SRR: variants seen among roughly 807,000 people sequenced by gnomAD.
The protein encoded by SRR is serine racemase.
A neutral mutation model predicts 32.7 loss-of-function variants in SRR; 19 were observed. The observed-to-expected ratio is 0.58, with a 90% CI of 0.40 to 0.85. The LOEUF (loss-of-function observed/expected upper bound fraction) is 0.85, where lower values mean the gene tolerates loss of function less well. Among genes scored for constraint, SRR ranks in the 40% least tolerant of loss-of-function variants. The pLI is 0.00. For missense variants in SRR, 373 were observed against 404.7 expected, an observed-to-expected ratio of 0.92 and a Z score of 0.67; for synonymous variants, 142 against 140.9, an observed-to-expected ratio of 1.01 and a Z score of -0.06.
intron 1 of SRR, among the ~76,000 whole-genome samples, chr17:2,305,905 A>C (rs1440068245): frequency 2.6e-5 from 4 of 151,464 alleles, no homozygotes; most frequent in Admixed American, 2.6e-4. Context: ...CACCATGTTG[A>C]CCAGTCTGGT....
At chr17:2,318,964 C>A (rs761487949) in intron 4 of SRR, 35 bp downstream of exon 4, 170 of 1,444,634 alleles carry the variant, frequency 1.2e-4, no homozygotes, top group Non-Finnish European at 1.6e-4. Context: ...ACCTTAACAG[C>A]TTTCATTTGA....
chr17:2,306,749 T>A (rs554224339), intron 1 of SRR: 2 of 612,264 alleles, frequency 3.3e-6, no homozygotes, highest in African/African-American at 3.7e-5. Context: ...TTTCCACCCA[T>A]GGACACCGCC....
At chr17:2,321,257 G>A (rs2075525715) in intron 4 of SRR, 49 bp from the exon 5 acceptor site, 2 of 1,600,188 alleles carry the variant, frequency 1.2e-6, no homozygotes, top group Admixed American at 3.5e-5. Context: ...GAACTTGTTG[G>A]GGACTCTATT....
intron 4 of SRR, among the ~76,000 whole-genome samples, chr17:2,320,012 G>A (rs952767088): frequency 6.6e-6 from 1 of 150,480 alleles, no homozygotes; most frequent in Non-Finnish European, 1.5e-5. Flanking sequence ...TAGAGACGGG[G>A]TTTCACTGTG....
intron 1 of SRR, among the ~76,000 whole-genome samples, chr17:2,305,506 T>A (rs2075381789): frequency 2.0e-5 from 3 of 152,012 alleles, no homozygotes. Context: ...AATAATTAAA[T>A]ACGAGTTCCA....
chr17:2,305,005 G>GAAT (rs2075374523), intron 1 of SRR, among the ~76,000 whole-genome samples: 1 of 152,106 alleles, frequency 6.6e-6, no homozygotes, highest in Non-Finnish European at 1.5e-5. Context: ...ACCCATCACA[G>GAAT]AATAGTTACC....
chr17:2,309,448 A>G (rs550816204), intron 1 of SRR, among the ~76,000 whole-genome samples: 1 of 150,886 alleles, frequency 6.6e-6, no homozygotes, highest in African/African-American at 2.4e-5. Context: ...TTCCTGTGTC[A>G]CTCCTTTATT....
At chr17:2,303,637 G>A (rs1394483821), upstream of SRR, 1 of 1,483,590 alleles carries the variant, frequency 6.7e-7, no homozygotes, top group South Asian at 1.3e-5. Context: ...ACTCACCTCT[G>A]CTCCCGGCCT....
chr17:2,324,571 C>T lies in SRR; in HGVS notation c.*698C>T. The T allele has an allele frequency of 6.2e-7, 1 of 1,614,184 alleles. No homozygotes were observed. The highest frequency in any genetic ancestry group is 8.5e-7 in the Non-Finnish European group (1 of 1,180,036). On this transcript the variant is annotated 3_prime_UTR_variant, in exon 8 of 8. Coordinates refer to ENST00000344595, the MANE Select transcript of SRR (RefSeq NM_021947.3). ...TCAGTTCCACTGGTTTAAACCACAG[C>T]ACATCCTCTTAGAATCAAACACATT...
intron 2 of SRR, 82 bp from the exon 3 acceptor site, chr17:2,317,788 G>T (rs1289799208): frequency 6.9e-7 from 1 of 1,451,616 alleles, no homozygotes; most frequent in East Asian, 2.3e-5. Context: ...TGCATGTTAA[G>T]GATAGAAAAT....
At chr17:2,318,090 ACTT>A in intron 3 of SRR, 94 bp downstream of exon 3, 2 of 1,356,570 alleles carry the variant, frequency 1.5e-6, no homozygotes, top group East Asian at 2.5e-5. Flanking sequence ...GTGGGAAGTA[ACTT>A]TCCAAAGAAA....
intron 1 of SRR, among the ~76,000 whole-genome samples, chr17:2,310,334 T>A (rs1460913389): frequency 6.6e-6 from 1 of 152,156 alleles, no homozygotes; most frequent in Non-Finnish European, 1.5e-5. Flanking sequence ...AGCACCATAC[T>A]GTTTACTGTA....
At chr17:2,306,903 T>G (rs756019559) in intron 1 of SRR, 27 of 959,856 alleles carry the variant, frequency 2.8e-5, no homozygotes, top group Admixed American at 8.5e-5. Context: ...TAATGAGAGA[T>G]CCAAACACCA....
At chr17:2,321,684 T>C in intron 6 of SRR, 68 bp downstream of exon 6, 9 of 1,430,522 alleles carry the variant, frequency 6.3e-6, no homozygotes, top group Non-Finnish European at 7.9e-6. Flanking sequence ...ATGTTCTGTA[T>C]ACACGTGCTC....
Position 2,324,814 on chromosome 17 carries a change from A to G in SRR, c.*941A>G, listed in dbSNP as rs747800210. 8.7e-6 allele frequency: 14 copies of G among 1,613,258 alleles called. No homozygotes were observed. In the East Asian group the frequency reaches 8.9e-5, roughly 10 times the overall value. On this transcript the variant is annotated 3_prime_UTR_variant, in exon 8 of 8. Transcript: ENST00000344595. Reference sequence around the variant, plus strand: ...TACTGACATAAGATGGCCTGTAGCAATGAGGCTGTGCATTCCTAAAGGACA... The same window carrying G: ...TACTGACATAAGATGGCCTGTAGCAGTGAGGCTGTGCATTCCTAAAGGACA...
At chr17:2,305,584 G>C (rs1372356780) in intron 1 of SRR, among the ~76,000 whole-genome samples, 1 of 152,196 alleles carries the variant, frequency 6.6e-6, no homozygotes, top group East Asian at 1.9e-4. Flanking sequence ...TACTACGTTG[G>C]TGGAAATTTT....
chr17:2,310,696 A>G (rs2075427373), intron 1 of SRR, among the ~76,000 whole-genome samples: 1 of 151,900 alleles, frequency 6.6e-6, no homozygotes, highest in African/African-American at 2.4e-5. Flanking sequence ...TTTCTGCCTC[A>G]GCCTCCCTAG....
At chr17:2,323,045 G>A in intron 6 of SRR, 91 bp from the exon 7 acceptor site, 2 of 1,361,196 alleles carry the variant, frequency 1.5e-6, no homozygotes, top group East Asian at 2.3e-5. Context: ...GATTACAGGT[G>A]TGAGCCACCA....
chr17:2,321,849 C>A (rs1247078320), intron 6 of SRR, among the ~76,000 whole-genome samples: 1 of 152,194 alleles, frequency 6.6e-6, no homozygotes, highest in Non-Finnish European at 1.5e-5. Context: ...ACGATCCTGG[C>A]CCACTGCAGC....
Sources: gnomAD v4.1 joint callset for allele counts (sites outside exome capture counted in the v4.1 genomes callset) on GRCh38, gnomAD v4.1.1 for gene constraint, MANE v1.5 for transcripts, NCBI Gene and HGNC (gene_info 2026-07-23, HGNC 2026-07-21) for gene names.